FREM2: variants seen among roughly 807,000 people sequenced by gnomAD.
The protein encoded by FREM2 is FRAS1-related extracellular matrix protein 2.
In FREM2, 119 loss-of-function variants were observed where a neutral mutation model predicts 219.9. The ratio of observed to expected loss-of-function variants is 0.54; its 90% CI spans 0.47 to 0.63. The LOEUF is 0.63. Among genes scored for constraint, FREM2 ranks in the 30% least tolerant of loss-of-function variants. The pLI is 0.00. For missense variants in FREM2, 4,030 were observed against 3,993.6 expected (o/e 1.01, Z -0.25); for synonymous variants, 1,562 against 1,522.8 (o/e 1.03, Z -0.60).
chr13:38,780,897 C>T (rs996448750), intron 4 of FREM2, among the ~76,000 whole-genome samples: 6 of 152,158 alleles, frequency 3.9e-5, no homozygotes, highest in Admixed American at 3.3e-4. Flanking sequence ...CCCTTTTTTC[C>T]ACTATTAGGC....
chr13:38,688,510 G>T lies in FREM2; in HGVS notation c.1166G>T (p.Arg389Leu), dbSNP rs1454498736. The change falls in exon 1 of 24, where the codon CGG (arginine) becomes CTG (leucine). Residue 389 changes from arginine to leucine, a missense_variant. Arg to Leu is a moderately radical substitution (Grantham distance 102, BLOSUM62 -2). Coordinates refer to ENST00000280481, the MANE Select transcript of FREM2 (RefSeq NM_207361.6). Reference sequence around the variant, plus strand: ...TCCTCCTTCACTCAGAGGGATCTGCGGCTCCTGAAGATTGCCTACCAGCCC... The same window carrying T: ...TCCTCCTTCACTCAGAGGGATCTGCTGCTCCTGAAGATTGCCTACCAGCCC... Reference protein sequence around the residue: ...PLSSFTQRDLRLLKIAYQPPS... With the variant: ...PLSSFTQRDLLLLKIAYQPPS... The T allele has an allele frequency of 1.2e-6, 2 of 1,613,982 alleles. No individual in the cohort carries two copies. The highest frequency in any genetic ancestry group is 3.3e-5 in the Admixed American group (2 of 60,014).
chr13:38,833,778 G>T (rs1033841407), intron 6 of FREM2, among the ~76,000 whole-genome samples: 1 of 151,978 alleles, frequency 6.6e-6, no homozygotes, highest in African/African-American at 2.4e-5. Context: ...TCTCACTCTT[G>T]AATTTTGTTT....
chr13:38,691,218 G>GGAC lies in FREM2; in HGVS notation c.3874_3875insGAC (p.Val1292delinsGlyLeu). On this transcript the variant is annotated protein_altering_variant, in exon 1 of 24. Transcript: ENST00000280481. ...TGGGAAGCACTCTGTGGAAAAGACG[G>GGAC]TCCTCATTATAGTTATCCCTGTTGA... 1 of 1,613,996 alleles carries GGAC rather than the reference G, an allele frequency of 6.2e-7. No individual in the cohort carries two copies. The highest frequency in any genetic ancestry group is 8.5e-7 in the Non-Finnish European group (1 of 1,179,940).
chr13:38,821,296 C>T (rs945007684), intron 6 of FREM2, among the ~76,000 whole-genome samples: 1 of 151,876 alleles, frequency 6.6e-6, no homozygotes, highest in Non-Finnish European at 1.5e-5. Context: ...CTAAAATCTT[C>T]CTTAAATTAT....
intron 3 of FREM2, among the ~76,000 whole-genome samples, chr13:38,767,026 G>A (rs1259201368): frequency 6.6e-6 from 1 of 152,220 alleles, no homozygotes; most frequent in Non-Finnish European, 1.5e-5. Flanking sequence ...ACCATGAGGT[G>A]AGGAAATAGA....
At chr13:38,808,184 C>A (rs538963422) in intron 6 of FREM2, among the ~76,000 whole-genome samples, 3 of 151,948 alleles carry the variant, frequency 2.0e-5, no homozygotes, top group Non-Finnish European at 4.4e-5. Context: ...GAAGCTTCCT[C>A]GCCCCTCTCA....
At position 38,859,347 on chromosome 13, in the gene FREM2, A is replaced by G; in HGVS notation, c.7276A>G (p.Ile2426Val). ...AGGCTCTATCTGTGCAAGTGAGAAC[A>G]TCAATGACACTTTGACGCGGTACCG... ...KTGSICASEN[I>V]NDTLTRYRWL... The change falls in exon 14 of 24, where the codon ATC (isoleucine) becomes GTC (valine). Residue 2426 changes from isoleucine to valine, a missense_variant. Coordinates refer to ENST00000280481, the MANE Select transcript of FREM2 (RefSeq NM_207361.6). 1 of 1,614,234 alleles carries G rather than the reference A, an allele frequency of 6.2e-7. No individual in the cohort carries two copies. Among genetic ancestry groups the G allele is most frequent in the Non-Finnish European group, 8.5e-7 (1 of 1,180,042 alleles).
chr13:38,846,831 G>A (rs1877176189), intron 7 of FREM2, 109 bp downstream of exon 7: 1 of 1,268,312 alleles, frequency 7.9e-7, no homozygotes. Flanking sequence ...CAGTTGGCTG[G>A]GTATATTGTT....
intron 14 of FREM2, among the ~76,000 whole-genome samples, chr13:38,860,359 C>A (rs889884532): frequency 1.3e-5 from 2 of 152,056 alleles, no homozygotes; most frequent in Non-Finnish European, 2.9e-5. Flanking sequence ...GACAGGAAAT[C>A]CACTGTATAA....
chr13:38,796,922 A>G (rs1482661970), intron 6 of FREM2, among the ~76,000 whole-genome samples: 4 of 151,654 alleles, frequency 2.6e-5, no homozygotes, highest in African/African-American at 9.7e-5. Flanking sequence ...GCTATGTTTC[A>G]CAAGCTGGAG....
chr13:38,701,640 T>TA (rs1200945575), intron 2 of FREM2, among the ~76,000 whole-genome samples: 1 of 152,088 alleles, frequency 6.6e-6, no homozygotes, highest in African/African-American at 2.4e-5. Flanking sequence ...CGGGCCCTTC[T>TA]AGCTCTTTAT....
rs189477374 is a variant in FREM2, at chr13:38,732,111, A to T, written c.5264-32193A>T. Among the ~76,000 whole-genome samples, 505 of 152,344 alleles carry T rather than the reference A, an allele frequency of 3.3e-3. 5 individuals carry two copies. Among genetic ancestry groups the T allele is most frequent in the Non-Finnish European group, 3.4e-3 (229 of 68,026 alleles). ...GCATTGTCTCTTTACATTTGGAAGAATGTTAATAGTAAAGATGCATAATGT... is the reference window on the plus strand; with the variant it reads ...GCATTGTCTCTTTACATTTGGAAGATTGTTAATAGTAAAGATGCATAATGT... On this transcript the variant is annotated intron_variant, in intron 2 of 23. Coordinates refer to ENST00000280481, the MANE Select transcript of FREM2 (RefSeq NM_207361.6).
chr13:38,822,002 T>C (rs1006557892), intron 6 of FREM2: 2 of 152,114 alleles, frequency 1.3e-5, no homozygotes, highest in African/African-American at 4.8e-5. Context: ...GTCACGTGTC[T>C]TTTTAGGCTG....
At chr13:38,727,687 A>G (rs1268393294) in intron 2 of FREM2, among the ~76,000 whole-genome samples, 1 of 152,256 alleles carries the variant, frequency 6.6e-6, no homozygotes, top group East Asian at 1.9e-4. Flanking sequence ...TGCACCAAGT[A>G]CATTACAATG....
At chr13:38,798,097 G>A (rs866335949) in intron 6 of FREM2, among the ~76,000 whole-genome samples, 3 of 151,996 alleles carry the variant, frequency 2.0e-5, no homozygotes, top group Admixed American at 6.6e-5. Context: ...TGAACATGAC[G>A]TTAGCTGTGG....
intron 16 of FREM2, 27 bp from the exon 17 acceptor site, chr13:38,872,715 T>G: frequency 6.2e-7 from 1 of 1,602,128 alleles, no homozygotes; most frequent in Non-Finnish European, 8.6e-7. Flanking sequence ...CTGAGTCATG[T>G]TGATTGATGT....
chr13:38,719,251 G>T (rs573752691), intron 2 of FREM2, among the ~76,000 whole-genome samples: 1 of 152,036 alleles, frequency 6.6e-6, no homozygotes, highest in African/African-American at 2.4e-5. Context: ...ATGGAGTTTC[G>T]CTCTTGTTGC....
At chr13:38,758,720 A>G (rs1873114502) in intron 2 of FREM2, among the ~76,000 whole-genome samples, 1 of 152,262 alleles carries the variant, frequency 6.6e-6, no homozygotes, top group Non-Finnish European at 1.5e-5. Flanking sequence ...AGGTAATCCT[A>G]TCACGGAAAT....
chr13:38,688,379 C>A lies in FREM2; in HGVS notation c.1035C>A (p.Ala345=). The A allele has an allele frequency of 6.2e-6, 10 of 1,614,062 alleles. No homozygotes were observed. The highest frequency in any genetic ancestry group is 8.5e-6 in the Non-Finnish European group (10 of 1,179,958). The change falls in exon 1 of 24, where the codon GCC becomes GCA. Residue 345 remains alanine (A), a synonymous_variant. Coordinates refer to ENST00000280481, the MANE Select transcript of FREM2 (RefSeq NM_207361.6). The stretch of plus-strand genomic sequence containing the variant: ...CCCTGACCCCAGACATGCTGGCAGC[C>A]GAGGATGCTGAGTCTCCCTCTGACC... ...LTALTPDMLA[A]EDAESPSDLL...
Sources: gnomAD v4.1 joint callset for allele counts (sites outside exome capture counted in the v4.1 genomes callset) on GRCh38, gnomAD v4.1.1 for gene constraint, MANE v1.5 for transcripts, NCBI Gene and HGNC (gene_info 2026-07-23, HGNC 2026-07-21) for gene names.